The following KANK3 variants were observed in gnomAD, a reference collection of about 807,000 sequenced individuals.
The protein encoded by KANK3 is KN motif and ankyrin repeat domains 3, also known as KN motif and ankyrin repeat domain-containing protein 3.
KANK3 carries 61 observed loss-of-function variants against 65.4 expected under a neutral mutation model. The observed-to-expected ratio is 0.93, with a 90% CI of 0.76 to 1.15. The LOEUF (loss-of-function observed/expected upper bound fraction) is 1.15, where lower values mean the gene tolerates loss of function less well. Among genes scored for constraint, KANK3 ranks in the 50% most tolerant of loss-of-function variants. The probability of loss-of-function intolerance (pLI) is 0.00; values close to 1 mark genes in which losing one functional copy is unlikely to be tolerated. For missense variants in KANK3, 1,187 were observed against 1,178.8 expected (o/e 1.01, Z -0.10); for synonymous variants, 586 against 543.3 (o/e 1.08, Z -1.09).
chr19:8,322,874 A>T lies in KANK3; in HGVS notation c.2431T>A (p.Cys811Ser). 1.9e-6 allele frequency: 3 copies of T among 1,588,164 alleles called. No individual in the cohort carries two copies. Among genetic ancestry groups the T allele is most frequent in the Non-Finnish European group, 2.6e-6 (3 of 1,167,164 alleles). Residue 811 changes from cysteine to serine, a missense_variant, in exon 11 of 11, where the codon TGC (cysteine) becomes AGC (serine). By Grantham distance (112) the Cys-to-Ser change is moderately radical. This residue lies in a region of KANK3 where 1,078 missense variants were observed against 1,038.2 expected (regional missense o/e 1.04). Coordinates refer to ENST00000330915, the MANE Select transcript of KANK3 (RefSeq NM_198471.3). ...TGGGGGTTCTCTCCATTGTCACCGC[A>T]TTCTCCTTCACCAGGTGTGGCTGTC... ...SQTATPGEGE[C>S]GDNGENPQVQ
chr19:8,324,967 T>C lies in KANK3; in HGVS notation c.2066A>G (p.Asn689Ser). 1 of 1,613,742 alleles carries C rather than the reference T, an allele frequency of 6.2e-7. No homozygotes were observed. Among genetic ancestry groups the C allele is most frequent in the African/African-American group, 1.3e-5 (1 of 75,006 alleles). ...CCCACGCACCTGACTGGCCTTGGCA[T>C]TGACATCACCCATGCAGAAGAGTCT... ...VQRLFCMGDV[N>S]AKASQTGQTA... is the part of the protein sequence containing the mutation. Residue 689 changes from asparagine to serine, a missense_variant, in exon 8 of 11, where the codon AAT (asparagine) becomes AGT (serine). Transcript: ENST00000330915.
intron 7 of KANK3, among the ~76,000 whole-genome samples, chr19:8,325,350 G>A (rs1392240242): frequency 7.7e-6 from 1 of 130,566 alleles, no homozygotes; most frequent in Non-Finnish European, 1.5e-5. Flanking sequence ...TGTCACCCAG[G>A]CTGGAGTGCA....
At chr19:8,338,843 T>C (rs12151146) in intron 1 of KANK3, among the ~76,000 whole-genome samples, 86,117 of 139,074 alleles carry the variant, frequency 0.62, 26,507 homozygotes, top group African/African-American at 0.67. Flanking sequence ...CCACTGCACT[T>C]CAGCCTGGCA....
rs1216713355 is a variant in KANK3, at chr19:8,333,584, G to T, written c.1719+140C>A. On this transcript the variant is annotated intron_variant, in intron 6 of 10. Coordinates refer to ENST00000330915, the MANE Select transcript of KANK3 (RefSeq NM_198471.3). The surrounding 1 kb of genome is among the most constrained non-coding windows in gnomAD (Gnocchi z 5.0). ...GAAAGATCGGCGCTGTCCTGGGAAG[G>T]AGATCCCTTCGGAGAGCCTGGGGTC... The T allele has an allele frequency of 1.4e-6, 1 of 692,816 alleles. No individual in the cohort carries two copies. Among genetic ancestry groups the T allele is most frequent in the Non-Finnish European group, 2.3e-6 (1 of 438,118 alleles). 42.9% of individuals were successfully genotyped at this position (692,816 alleles called of 1,614,324 possible). A position where few individuals can be genotyped will look rare whatever the true frequency, so the allele number is the denominator to read the frequency against.
Position 8,324,469 on chromosome 19 carries a change from A to G in KANK3, c.2362T>C (p.Ser788Pro). Residue 788 changes from serine (S) to proline (P), a missense_variant, in exon 10 of 11, where the codon TCG becomes CCG. Transcript: ENST00000330915. Reference sequence around the variant, plus strand: ...CTCACCTGGGTGTCGGGCTGGCCCGAGCTCAGGTGGGCATGTAGCAGAGCG... The same window carrying G: ...CTCACCTGGGTGTCGGGCTGGCCCGGGCTCAGGTGGGCATGTAGCAGAGCG... ...VAALLHAHLSSGQPDTQSESP... is the reference protein window; with the variant it reads ...VAALLHAHLSPGQPDTQSESP... The G allele has an allele frequency of 6.2e-7, 1 of 1,608,716 alleles. No homozygotes were observed. Among genetic ancestry groups the G allele is most frequent in the East Asian group, 2.2e-5 (1 of 44,514 alleles).
rs1555786389 is a variant in KANK3, at chr19:8,322,792, C to T, written c.*47G>A. On this transcript the variant is annotated 3_prime_UTR_variant, in exon 11 of 11. Coordinates refer to ENST00000330915, the MANE Select transcript of KANK3 (RefSeq NM_198471.3). ...GTGCGCCAAAGGCTGAGGTGACTGA[C>T]GAGGAGATCTCCCCACAGCTAGGTG... The T allele has an allele frequency of 2.1e-6, 3 of 1,418,810 alleles. No homozygotes were observed. Among genetic ancestry groups the T allele is most frequent in the East Asian group, 2.3e-5 (1 of 43,564 alleles). 87.9% of individuals were successfully genotyped at this position (1,418,810 alleles called of 1,614,324 possible).
In KANK3 at chr19:8,324,596, C is replaced by T. The variant is rs749148570; in HGVS notation, c.2283+34G>A. 4 of 1,612,492 alleles carry T rather than the reference C, an allele frequency of 2.5e-6. No homozygotes were observed. The South Asian group carries it at 4.4e-5, about 18-fold the overall frequency. ...GATCCCTGAGCCAAGCCATGGGCAC[C>T]CCCCAAGATGCCAGCCCCATTGTGG... On this transcript the variant is annotated intron_variant, in intron 9 of 10. Transcript: ENST00000330915.
At position 8,334,854 on chromosome 19, in the gene KANK3, C is replaced by A; in HGVS notation, c.973G>T (p.Ala325Ser). The A allele has an allele frequency of 6.8e-7, 1 of 1,465,362 alleles. No individual in the cohort carries two copies. The highest frequency in any genetic ancestry group is 2.6e-5 in the Admixed American group (1 of 38,652). 90.8% of individuals were successfully genotyped at this position (1,465,362 alleles called of 1,614,324 possible). A position where few individuals can be genotyped will look rare whatever the true frequency, so the allele number is the denominator to read the frequency against. The change falls in exon 3 of 11, where the codon GCC becomes TCC. Residue 325 changes from alanine (A) to serine (S), a missense_variant. Physicochemically the swap from Ala to Ser is moderately conservative, Grantham distance 99 (BLOSUM62 1). Around this residue, in one of 3 missense-constraint regions of KANK3, gnomAD observed 1,078 missense variants for 1,038.2 expected, o/e 1.04. Transcript: ENST00000330915. Reference protein sequence around the residue: ...GAQAVPETREAGVEAAPETVE... With the variant: ...GAQAVPETRESGVEAAPETVE... Reference sequence around the variant, plus strand: ...GTCTCGGGGGCAGCCTCCACGCCGGCCTCCCGGGTCTCCGGCACGGCCTGG... The same window carrying A: ...GTCTCGGGGGCAGCCTCCACGCCGGACTCCCGGGTCTCCGGCACGGCCTGG...
intron 1 of KANK3, among the ~76,000 whole-genome samples, chr19:8,340,031 G>T (rs1448848049): frequency 6.7e-6 from 1 of 150,156 alleles, no homozygotes; most frequent in Non-Finnish European, 1.5e-5. Context: ...TGGGAAAGAT[G>T]GGCTTTGGAA....
chr19:8,334,805 G>A lies in KANK3; in HGVS notation c.1022C>T (p.Thr341Ile), dbSNP rs1297910952. ...CGCAGGCAGCCCCAGCAGCGCCTCG[G>A]TCACCCACGCGTCCGCCTCCACGGT... The part of the protein sequence containing the change: ...PETVEADAWV[T>I]EALLGLPAAA... Residue 341 changes from threonine to isoleucine, a missense_variant, in exon 3 of 11, where the codon ACC becomes ATC. This residue lies in a region of KANK3 where 1,078 missense variants were observed against 1,038.2 expected (regional missense o/e 1.04). Coordinates refer to ENST00000330915, the MANE Select transcript of KANK3 (RefSeq NM_198471.3). 1.3e-6 allele frequency: 2 copies of A among 1,495,604 alleles called. No individual in the cohort carries two copies. The highest frequency in any genetic ancestry group is 4.4e-5 in the Admixed American group (2 of 45,720). 92.6% of individuals were successfully genotyped at this position (1,495,604 alleles called of 1,614,324 possible).
Position 8,332,204 on chromosome 19 carries a change from G to A in KANK3, c.1936+810C>T, listed in dbSNP as rs569114513. On this transcript the variant is annotated intron_variant, in intron 7 of 10. Transcript: ENST00000330915. ...GTTTTGTTTTTGTTTCTGAGACTGA[G>A]CCTCACTCTGTCGCCCAGGCTGGAG... is the stretch of plus-strand genomic sequence containing the variant. Among the ~76,000 whole-genome samples the A allele has an allele frequency of 1.1e-4, 17 of 151,686 alleles. 1 individual carries two copies. The South Asian group carries it at 3.5e-3, about 32-fold the overall frequency.
At chr19:8,340,291 T>TATATATATATATATATACAC (rs1472181365) in intron 1 of KANK3, among the ~76,000 whole-genome samples, 95 of 92,820 alleles carry the variant, frequency 1.0e-3, no homozygotes, top group Middle Eastern at 6.0e-3. Flanking sequence ...TATATATATA[T>TATATATATATATATATACAC]ACACACACAC....
At chr19:8,332,987 T>TTGGGCCCCCCCCC in intron 7 of KANK3, 27 bp downstream of exon 7, 1 of 395,198 alleles carries the variant, frequency 2.5e-6, no homozygotes, top group Non-Finnish European at 4.8e-6. Context: ...TTTCCTGGTG[T>TTGGGCCCCCCCCC]CCCACCCACC....
At chr19:8,326,562 C>T (rs1352791484) in intron 7 of KANK3, among the ~76,000 whole-genome samples, 14 of 140,128 alleles carry the variant, frequency 1.0e-4, no homozygotes, top group Non-Finnish European at 1.8e-4. Flanking sequence ...CTGAGGCGGG[C>T]GGATCATGAG....
Position 8,333,899 on chromosome 19 carries a change from G to A in KANK3, c.1634+11C>T. The A allele has an allele frequency of 1.9e-6, 3 of 1,576,332 alleles. No homozygotes were observed. Among genetic ancestry groups the A allele is most frequent in the Non-Finnish European group, 2.6e-6 (3 of 1,163,694 alleles). On this transcript the variant is annotated intron_variant, in intron 5 of 10. Coordinates refer to ENST00000330915, the MANE Select transcript of KANK3 (RefSeq NM_198471.3). This position sits in a 1 kb window ranked among gnomAD's most constrained non-coding sequence, Gnocchi z 5.0. ...CGCCTCCTCTCCAAACAACTAGCGA[G>A]CGCCGCTCACCTCCCCTGTGCCACC...
At chr19:8,323,967 T>A (rs1056427849) in intron 10 of KANK3, among the ~76,000 whole-genome samples, 2 of 152,276 alleles carry the variant, frequency 1.3e-5, no homozygotes, top group Non-Finnish European at 2.9e-5. Context: ...TCCTTTTTCC[T>A]TTGATAAGAG....
At chr19:8,329,540 G>A (rs1970489974) in intron 7 of KANK3, among the ~76,000 whole-genome samples, 1 of 148,120 alleles carries the variant, frequency 6.8e-6, no homozygotes, top group Admixed American at 6.8e-5. Context: ...GAATGCTCTG[G>A]AAATGCAATC....
chr19:8,323,283 T>C (rs1970356915), intron 10 of KANK3: 1 of 177,050 alleles, frequency 5.6e-6, no homozygotes. Flanking sequence ...TTGGGGAAAC[T>C]CGTCTAACAC....
chr19:8,342,421 C>T (rs373384650), intron 1 of KANK3, among the ~76,000 whole-genome samples: 45 of 152,288 alleles, frequency 3.0e-4, no homozygotes, highest in African/African-American at 8.9e-4. Flanking sequence ...CCCTCTCCTC[C>T]GCTCCCTGCC....
Sources: gnomAD v4.1 joint callset for allele counts (sites outside exome capture counted in the v4.1 genomes callset) on GRCh38, gnomAD v4.1.1 for gene constraint, gnomAD v4.1.1 regional missense constraint, Gnocchi (gnomAD v3.1) non-coding constraint, MANE v1.5 for transcripts, NCBI Gene and HGNC (gene_info 2026-07-23, HGNC 2026-07-21) for gene names.